TAB3: variants seen among roughly 807,000 people sequenced by gnomAD.
The protein encoded by TAB3 is TGF-beta-activated kinase 1 and MAP3K7-binding protein 3.
Under a neutral mutation model 48.1 loss-of-function variants are expected in TAB3, and 18 were observed. That is an observed-to-expected ratio of 0.37 (90% CI 0.26 to 0.55). The LOEUF (loss-of-function observed/expected upper bound fraction) is 0.55, where lower values mean the gene tolerates loss of function less well. Ranked by LOEUF, TAB3 falls within the 20% of genes least tolerant of loss-of-function variation. TAB3 has a pLI of 0.78. For missense variants in TAB3, 414 were observed against 549.8 expected, an observed-to-expected ratio of 0.75 and a Z score of 2.47; for synonymous variants, 185 against 190.2, an observed-to-expected ratio of 0.97 and a Z score of 0.22.
chrX:30,868,316 T>TATATATATA (rs1403910662), intron 2 of TAB3, among the ~76,000 whole-genome samples: 1 of 1,470 alleles, frequency 6.8e-4, no homozygotes, highest in African/African-American at 2.8e-3. Context: ...TATATATAGC[T>TATATATATA]TATATATATA....
chrX:30,875,324 A>G (rs1345966276), intron 1 of TAB3, among the ~76,000 whole-genome samples: 1 of 112,199 alleles, frequency 8.9e-6, no homozygotes, highest in Non-Finnish European at 1.9e-5. Context: ...CCTTTGCTTA[A>G]TATCACACCT....
chrX:30,850,347 A>C (rs1938792526), intron 7 of TAB3, among the ~76,000 whole-genome samples: 1 of 112,208 alleles, frequency 8.9e-6, no homozygotes, highest in Non-Finnish European at 1.9e-5. Context: ...CTTTGAAATT[A>C]TAATAAAAGT....
In TAB3 at chrX:30,831,359, C is replaced by T; in HGVS notation, c.*68G>A. On this transcript the variant is annotated 3_prime_UTR_variant, in exon 11 of 11. Coordinates refer to ENST00000288422, the MANE Select transcript of TAB3 (RefSeq NM_152787.5). ...AAAGGCTGGGTGGATGAATAGAGTC[C>T]CGAGGTTTCCTTTTCTTCTGGTAGT... is the stretch of plus-strand genomic sequence containing the variant. 5.4e-6 allele frequency: 6 copies of T among 1,119,651 alleles called. No homozygotes were observed. Among genetic ancestry groups the T allele is most frequent in the Non-Finnish European group, 7.2e-6 (6 of 837,215 alleles). The allele number at this position is 1,119,651 out of a possible 1,213,427, so 92.3% of individuals were successfully genotyped here. A position where few individuals can be genotyped will look rare whatever the true frequency, so the allele number is the denominator to read the frequency against.
Position 30,862,034 on chromosome X carries a change from T to C in TAB3, c.-90-2356A>G, listed in dbSNP as rs768732658. Among the ~76,000 whole-genome samples the C allele has an allele frequency of 8.8e-4, 98 of 111,912 alleles. 1 individual carries two copies. The South Asian group carries it at 0.031, about 35-fold the overall frequency. On this transcript the variant is annotated intron_variant, in intron 4 of 10. Coordinates refer to ENST00000288422, the MANE Select transcript of TAB3 (RefSeq NM_152787.5). Reference sequence around the variant, plus strand: ...TAAGGCTTTAGGATCTTCATTTAAATAATAGGCGACTACCTACAACTCTTA... The same window carrying C: ...TAAGGCTTTAGGATCTTCATTTAAACAATAGGCGACTACCTACAACTCTTA...
Position 30,831,443 on chromosome X carries a change from A to G in TAB3, c.2123T>C (p.Met708Thr). 1 of 1,210,421 alleles carries G rather than the reference A, an allele frequency of 8.3e-7. No homozygotes were observed. The highest frequency in any genetic ancestry group is 1.1e-6 in the Non-Finnish European group (1 of 894,989). ...PALNRCEQCE[M>T]PRYT ...TTTCTGAATTCAGGTGTACCGTGGC[A>G]TCTCGCACTGCTCACAGCGATTTAG... is the stretch of plus-strand genomic sequence containing the variant. The change falls in exon 11 of 11, where the codon ATG (methionine) becomes ACG (threonine). Residue 708 changes from methionine to threonine, a missense_variant. Met to Thr is a moderately conservative substitution (Grantham distance 81). Coordinates refer to ENST00000288422, the MANE Select transcript of TAB3 (RefSeq NM_152787.5).
chrX:30,840,618 G>A (rs909499243), intron 9 of TAB3, among the ~76,000 whole-genome samples: 2 of 111,092 alleles, frequency 1.8e-5, no homozygotes, highest in African/African-American at 6.5e-5. Flanking sequence ...TAAGTCTCAC[G>A]AGATCTGATG....
intron 1 of TAB3, among the ~76,000 whole-genome samples, chrX:30,886,274 T>C (rs1269519872): frequency 9.0e-6 from 1 of 111,476 alleles, no homozygotes; most frequent in Non-Finnish European, 1.9e-5. Flanking sequence ...GGTGGCAATA[T>C]AAATCATTTC....
At chrX:30,838,243 G>A (rs1207422109) in intron 9 of TAB3, among the ~76,000 whole-genome samples, 1 of 111,949 alleles carries the variant, frequency 8.9e-6, no homozygotes, top group East Asian at 2.8e-4. Flanking sequence ...GACTATAGGT[G>A]AGGCTGCAAT....
At chrX:30,876,287 GATTTTTCAAATA>G (rs1395251847) in intron 1 of TAB3, among the ~76,000 whole-genome samples, 2 of 111,838 alleles carry the variant, frequency 1.8e-5, no homozygotes, top group Non-Finnish European at 3.8e-5. Flanking sequence ...GGTTTCAAAT[GATTTTTCAAATA>G]ATTTTTCAAA....
chrX:30,881,336 A>G (rs1275089105), intron 1 of TAB3, among the ~76,000 whole-genome samples: 1 of 110,715 alleles, frequency 9.0e-6, no homozygotes, highest in African/African-American at 3.3e-5. Context: ...TCTGCATATT[A>G]AACTTCAGTA....
chrX:30,875,348 C>T (rs1207429782), intron 1 of TAB3, among the ~76,000 whole-genome samples: 2 of 111,970 alleles, frequency 1.8e-5, no homozygotes, highest in African/African-American at 3.3e-5. Context: ...ATATACTTAC[C>T]TCACAAGGCT....
At position 30,868,368 on chromosome X, in the gene TAB3, T is replaced by TATATATATATA. The variant is rs755452674; in HGVS notation, c.-279-820_-279-819insTATATATATAT. ...TATATATAGCTTATATATATATATA[T>TATATATATATA]AGCTTATATATATATAGCTTATATA... is the stretch of plus-strand genomic sequence containing the variant. On this transcript the variant is annotated intron_variant, in intron 2 of 10. Transcript: ENST00000288422. Among the ~76,000 whole-genome samples the TATATATATATA allele has an allele frequency of 4.2e-3, 21 of 4,946 alleles. 8 individuals carry two copies. Among genetic ancestry groups the TATATATATATA allele is most frequent in the Non-Finnish European group, 6.4e-3 (19 of 2,958 alleles). 4.3% of individuals were successfully genotyped at this position (4,946 alleles called of 115,157 possible).
At chrX:30,852,312 C>T (rs1182069537) in intron 7 of TAB3, among the ~76,000 whole-genome samples, 1 of 112,117 alleles carries the variant, frequency 8.9e-6, no homozygotes, top group Non-Finnish European at 1.9e-5. Context: ...ACTGCTCTGC[C>T]TTAAAATATT....
intron 1 of TAB3, among the ~76,000 whole-genome samples, chrX:30,881,368 T>TTA (rs1939995364): frequency 9.0e-6 from 1 of 110,755 alleles, no homozygotes; most frequent in Non-Finnish European, 1.9e-5. Context: ...GTTTTTTTTT[T>TTA]AAGTGTAAAG....
At chrX:30,871,174 A>C (rs1330823340) in intron 2 of TAB3, among the ~76,000 whole-genome samples, 1 of 112,516 alleles carries the variant, frequency 8.9e-6, no homozygotes, top group East Asian at 2.7e-4. Context: ...TATGGTTACA[A>C]TACCACTAAC....
In TAB3 at chrX:30,830,260, C is replaced by G. The variant is rs1267862620; in HGVS notation, c.*1167G>C. On this transcript the variant is annotated 3_prime_UTR_variant, in exon 11 of 11. Transcript: ENST00000288422. ...TCACCTTTCTCTTAATAATTTTTGA[C>G]AATCCCTCCTTTCCTAAATAATGCA... 2.7e-5 allele frequency: 3 copies of G among 112,284 alleles called. No homozygotes were observed. The highest frequency in any genetic ancestry group is 3.8e-5 in the Non-Finnish European group (2 of 53,241). The allele number at this position is 112,284 out of a possible 1,213,427, so 9.3% of individuals were successfully genotyped here. A position where few individuals can be genotyped will look rare whatever the true frequency, so the allele number is the denominator to read the frequency against.
intron 4 of TAB3, among the ~76,000 whole-genome samples, chrX:30,866,632 T>G (rs1182149778): frequency 9.1e-6 from 1 of 110,190 alleles, no homozygotes; most frequent in East Asian, 2.8e-4. Context: ...TAAAGTAGTA[T>G]TATATTATGA....
At chrX:30,860,346 T>C (rs895682004) in intron 4 of TAB3, among the ~76,000 whole-genome samples, 1 of 111,111 alleles carries the variant, frequency 9.0e-6, no homozygotes, top group Non-Finnish European at 1.9e-5. Context: ...GGATGAAGAG[T>C]AGGAAATACA....
chrX:30,840,372 A>C (rs1179438627), intron 9 of TAB3, among the ~76,000 whole-genome samples: 2 of 111,756 alleles, frequency 1.8e-5, no homozygotes, highest in Non-Finnish European at 3.8e-5. Context: ...GCACTGCTTT[A>C]ACTATCGCAT....
Sources: allele counts gnomAD v4.1 joint callset (sites outside exome capture counted in the v4.1 genomes callset), GRCh38; gene constraint gnomAD v4.1.1; transcripts MANE v1.5; gene names NCBI Gene and HGNC (gene_info 2026-07-23, HGNC 2026-07-21).